EVI5: variants seen among roughly 807,000 people sequenced by gnomAD.
EVI5 encodes the protein ecotropic viral integration site 5 protein homolog.
A neutral mutation model predicts 112.0 loss-of-function variants in EVI5; 73 were observed. The observed-to-expected ratio is 0.65, with a 90% CI of 0.54 to 0.79. The LOEUF is 0.79. Among genes scored for constraint, EVI5 ranks in the 30% least tolerant of loss-of-function variants. The probability of loss-of-function intolerance (pLI) is 0.00; values close to 1 mark genes in which losing one functional copy is unlikely to be tolerated. For synonymous variants in EVI5, 305 were observed against 319.9 expected, an observed-to-expected ratio of 0.95 and a Z score of 0.50; for missense variants, 900 against 968.8, an observed-to-expected ratio of 0.93 and a Z score of 0.94.
chr1:92,664,152 A>AC (rs1227928718), intron 11 of EVI5, among the ~76,000 whole-genome samples: 1 of 152,230 alleles, frequency 6.6e-6, no homozygotes, highest in Non-Finnish European at 1.5e-5. Flanking sequence ...AAGCAATTCC[A>AC]ATTATAAAGT....
intron 1 of EVI5, among the ~76,000 whole-genome samples, chr1:92,750,484 A>C (rs1363222958): frequency 1.3e-5 from 2 of 152,226 alleles, no homozygotes; most frequent in East Asian, 3.8e-4. Context: ...ACGCTGAAAA[A>C]CACCACAATC....
rs566119340 is a variant in EVI5 at position 92,679,913 on chromosome 1, A to T, written c.1098-2695T>A. Among the ~76,000 whole-genome samples the T allele has an allele frequency of 2.0e-5, 3 of 152,332 alleles. No individual in the cohort carries two copies. In the South Asian group the frequency reaches 6.2e-4, roughly 32 times the overall value. ...CATACTAAGGGTACAAACTATCAAC[A>T]GAACATCACTATTGATGTTGACCTT... On this transcript the variant is annotated intron_variant, in intron 9 of 19. Transcript: ENST00000684568.
At chr1:92,554,791 A>C (rs1370330706) in intron 19 of EVI5, among the ~76,000 whole-genome samples, 1 of 152,068 alleles carries the variant, frequency 6.6e-6, no homozygotes, top group Non-Finnish European at 1.5e-5. Context: ...CAACACAGTG[A>C]GACCCTGTCT....
chr1:92,563,698 C>A lies in EVI5; in HGVS notation c.2110G>T (p.Asp704Tyr). Residue 704 changes from aspartate (D) to tyrosine (Y), a missense_variant, in exon 19 of 20, where the codon GAT becomes TAT. Asp to Tyr is a radical substitution (Grantham distance 160). Coordinates refer to ENST00000684568, the MANE Select transcript of EVI5 (RefSeq NM_001350197.2). ...GKLQGQLNKSDSNQYIGELKD... is the reference protein window; with the variant it reads ...GKLQGQLNKSYSNQYIGELKD... ...AGTTCCCCAATATACTGGTTAGAAT[C>A]AGACTTGTTAAGCTGTCCTTGAAGC... is the stretch of plus-strand genomic sequence containing the variant. 6.2e-7 allele frequency: 1 copy of A among 1,610,276 alleles called. No homozygotes were observed. The highest frequency in any genetic ancestry group is 8.5e-7 in the Non-Finnish European group (1 of 1,177,552).
chr1:92,601,457 A>C (rs970706916), intron 18 of EVI5, among the ~76,000 whole-genome samples: 2 of 152,208 alleles, frequency 1.3e-5, no homozygotes, highest in African/African-American at 4.8e-5. Context: ...AACCAACCTA[A>C]ATGTCCATCA....
At chr1:92,743,409 T>C (rs1267296674) in intron 1 of EVI5, among the ~76,000 whole-genome samples, 4 of 151,994 alleles carry the variant, frequency 2.6e-5, no homozygotes, top group Non-Finnish European at 5.9e-5. Flanking sequence ...CCTGAGGACA[T>C]TATACGAAGT....
intron 1 of EVI5, among the ~76,000 whole-genome samples, chr1:92,752,421 C>T (rs1049465036): frequency 1.3e-5 from 2 of 152,100 alleles, no homozygotes; most frequent in Middle Eastern, 3.2e-3. Context: ...GTGATTTGCC[C>T]GCCTCGACCT....
Position 92,736,255 on chromosome 1 carries a change from TC to T in EVI5, c.149+142del, listed in dbSNP as rs534375848. 3.2e-4 allele frequency: 194 copies of T among 603,292 alleles called. 2 individuals are homozygous for T. The African/African-American group carries it at 3.4e-3, about 10-fold the overall frequency. 37.4% of individuals were successfully genotyped at this position (603,292 alleles called of 1,614,324 possible). A position where few individuals can be genotyped will look rare whatever the true frequency, so the allele number is the denominator to read the frequency against. On this transcript the variant is annotated intron_variant, in intron 2 of 19. Transcript: ENST00000684568. ...ATGTTAGTCTCTTTTAAGACCAATC[TC>T]CCCCCAAAAAAGATGAACACTTCTG...
intron 10 of EVI5, among the ~76,000 whole-genome samples, chr1:92,670,936 G>A (rs113266580): frequency 3.6e-4 from 54 of 151,694 alleles, no homozygotes; most frequent in East Asian, 1.2e-3. Flanking sequence ...ACTAAATTCC[G>A]TATCTTCCTG....
At chr1:92,676,035 A>G (rs991290132) in intron 10 of EVI5, among the ~76,000 whole-genome samples, 56 of 151,654 alleles carry the variant, frequency 3.7e-4, no homozygotes, top group Non-Finnish European at 6.5e-4. Flanking sequence ...AAAAAAAAAA[A>G]AGGAAGGAAA....
chr1:92,762,755 C>T (rs914203547), intron 1 of EVI5, among the ~76,000 whole-genome samples: 3 of 152,078 alleles, frequency 2.0e-5, no homozygotes, highest in African/African-American at 7.2e-5. Context: ...CTATTATAGA[C>T]TATACTTAAT....
Position 92,792,184 on chromosome 1 carries a change from G to A in EVI5, c.51+160C>T, listed in dbSNP as rs1390132846. ...ATGGCTGCAGTACAATGAGATAACA[G>A]TCTTAAAATAAAACTGAAGAAATGT... is the stretch of plus-strand genomic sequence containing the variant. On this transcript the variant is annotated intron_variant, in intron 1 of 17. Transcript: ENST00000370331. Among the ~76,000 whole-genome samples, 3 of 152,180 alleles carry A rather than the reference G, an allele frequency of 2.0e-5. No homozygotes were observed. In the East Asian group the frequency reaches 5.8e-4, roughly 29 times the overall value.
chr1:92,732,327 C>A, intron 2 of EVI5: 1 of 396,274 alleles, frequency 2.5e-6, no homozygotes, highest in African/African-American at 2.1e-5. Context: ...CCTTACATGA[C>A]TGCCACTCAG....
At chr1:92,727,040 T>C (rs1328445569) in intron 2 of EVI5, among the ~76,000 whole-genome samples, 1 of 152,148 alleles carries the variant, frequency 6.6e-6, no homozygotes, top group Non-Finnish European at 1.5e-5. Context: ...AATAATCACC[T>C]TAAATGTAAA....
intron 2 of EVI5, among the ~76,000 whole-genome samples, chr1:92,706,979 C>T (rs1212036345): frequency 7.3e-5 from 11 of 151,600 alleles, no homozygotes; most frequent in African/African-American, 2.2e-4. Flanking sequence ...GTTGGGAGTT[C>T]GAGACCAGCC....
chr1:92,775,051 T>C (rs1010265531), intron 1 of EVI5, among the ~76,000 whole-genome samples: 1 of 152,222 alleles, frequency 6.6e-6, no homozygotes, highest in African/African-American at 2.4e-5. Context: ...GATTGATATC[T>C]TGAATTTTAT....
upstream of EVI5, chr1:92,785,185 G>C (rs1435708505): frequency 1.2e-6 from 1 of 853,008 alleles, no homozygotes; most frequent in Non-Finnish European, 1.4e-6. Context: ...GTTAGGGGCC[G>C]GGCGGGCCGG....
chr1:92,771,832 A>C (rs1683450259), intron 1 of EVI5, among the ~76,000 whole-genome samples: 1 of 150,474 alleles, frequency 6.6e-6, no homozygotes, highest in South Asian at 2.1e-4. Flanking sequence ...TCCAAGTCTT[A>C]TACCCCACTG....
chr1:92,757,684 T>G (rs1191114428), intron 1 of EVI5, among the ~76,000 whole-genome samples: 2 of 151,770 alleles, frequency 1.3e-5, no homozygotes, highest in African/African-American at 4.8e-5. Flanking sequence ...GGTGGATCAC[T>G]TGAGGCCAGG....
Sources: gnomAD v4.1 joint callset for allele counts (sites outside exome capture counted in the v4.1 genomes callset) on GRCh38, gnomAD v4.1.1 for gene constraint, MANE v1.5 for transcripts, NCBI Gene and HGNC (gene_info 2026-07-23, HGNC 2026-07-21) for gene names.